BRD4: variants seen among roughly 807,000 people sequenced by gnomAD.
BRD4 encodes the protein bromodomain-containing protein 4.
A neutral mutation model predicts 142.1 loss-of-function variants in BRD4; 16 were observed. The ratio of observed to expected loss-of-function variants is 0.11; its 90% CI spans 0.08 to 0.17. The LOEUF (loss-of-function observed/expected upper bound fraction) is 0.17, where lower values mean the gene tolerates loss of function less well. BRD4 is among the 10% of genes least tolerant of loss of function. The pLI, the probability that BRD4 is intolerant of heterozygous loss-of-function variation, is 1.00. For synonymous variants in BRD4, 833 were observed against 707.5 expected (o/e 1.18, Z -2.82); for missense variants, 1,424 against 1,810.9 (o/e 0.79, Z 3.88).
intron 1 of BRD4, among the ~76,000 whole-genome samples, chr19:15,326,590 GATC>G (rs1322783358): frequency 1.3e-5 from 2 of 152,198 alleles, no homozygotes; most frequent in African/African-American, 4.8e-5. Context: ...GGGATTAAGA[GATC>G]ATTTTTAACC....
At chr19:15,264,181 G>A in intron 6 of BRD4, 2 of 553,312 alleles carry the variant, frequency 3.6e-6, no homozygotes, top group Non-Finnish European at 3.1e-6. Context: ...AGGGGAAGGG[G>A]CAGCACAGGC....
intron 13 of BRD4, 34 bp from the exon 14 acceptor site, chr19:15,243,521 G>A (rs780781488): frequency 1.3e-6 from 2 of 1,516,804 alleles, no homozygotes; most frequent in Non-Finnish European, 1.8e-6. Flanking sequence ...GGTGAGGCCT[G>A]AGCACCTGTG....
rs1367796814 is a variant in BRD4 at position 15,239,865 on chromosome 19, C to T, written c.3283-44G>A. 1.2e-6 allele frequency: 2 copies of T among 1,613,990 alleles called. No homozygotes were observed. Among genetic ancestry groups the T allele is most frequent in the African/African-American group, 1.3e-5 (1 of 75,040 alleles). On this transcript the variant is annotated intron_variant, in intron 15 of 19. Coordinates refer to ENST00000679869, the MANE Select transcript of BRD4 (RefSeq NM_001379291.1). The surrounding 1 kb of genome is among the most constrained non-coding windows in gnomAD (Gnocchi z 7.4). ...AGCGGCCGGTGAGGTGGGCAGGCAC[C>T]CCCGGCCCTAGCCCACAGGACTATG...
intron 1 of BRD4, among the ~76,000 whole-genome samples, chr19:15,331,678 G>C (rs949198795): frequency 6.6e-6 from 1 of 152,040 alleles, no homozygotes; most frequent in Non-Finnish European, 1.5e-5. Flanking sequence ...GAAGAGATGG[G>C]GGTGGGGGCG....
intron 1 of BRD4, among the ~76,000 whole-genome samples, chr19:15,281,884 G>A (rs567509715): frequency 4.6e-5 from 7 of 152,246 alleles, no homozygotes; most frequent in South Asian, 2.1e-4. Context: ...CAGGCATGGC[G>A]GCGTGCACCT....
chr19:15,272,470 C>A (rs771734989), intron 2 of BRD4, among the ~76,000 whole-genome samples: 17 of 152,164 alleles, frequency 1.1e-4, no homozygotes, highest in Admixed American at 2.0e-4. Context: ...ATGTCCACAC[C>A]TGAGAAATGA....
chr19:15,253,210 A>C, intron 11 of BRD4: 1 of 367,552 alleles, frequency 2.7e-6, no homozygotes, highest in Non-Finnish European at 5.0e-6. Flanking sequence ...CGTTGGCCGT[A>C]AACACAGGAT....
rs951539610 is a variant in BRD4, at chr19:15,236,462, C to G, written c.*1915G>C. The G allele has an allele frequency of 6.8e-6, 1 of 146,414 alleles. No individual in the cohort carries two copies. The highest frequency in any genetic ancestry group is 1.5e-5 in the Non-Finnish European group (1 of 67,134). 9.1% of individuals were successfully genotyped at this position (146,414 alleles called of 1,614,324 possible). A position where few individuals can be genotyped will look rare whatever the true frequency, so the allele number is the denominator to read the frequency against. On this transcript the variant is annotated 3_prime_UTR_variant, in exon 20 of 20. Transcript: ENST00000679869. ...AATGAAAGGAGGAGTTAGGTTGAGG[C>G]AGGCAAGGTGGGAGAAGTGGCCCAA...
chr19:15,309,680 G>A (rs531146162), intron 1 of BRD4, among the ~76,000 whole-genome samples: 6 of 152,256 alleles, frequency 3.9e-5, no homozygotes, highest in Admixed American at 3.3e-4. Flanking sequence ...ACTGATGAAC[G>A]GATAGTGTCA....
chr19:15,255,742 A>C, intron 9 of BRD4, 150 bp from the exon 10 acceptor site: 1 of 1,079,296 alleles, frequency 9.3e-7, no homozygotes, highest in Non-Finnish European at 1.3e-6. Context: ...GGGCAACTCA[A>C]TCTCTGGGAG....
At chr19:15,311,932 G>C in intron 1 of BRD4, among the ~76,000 whole-genome samples, 1 of 152,194 alleles carries the variant, frequency 6.6e-6, no homozygotes, top group Non-Finnish European at 1.5e-5. Flanking sequence ...GGAGAAAGAA[G>C]GAAAAGGAAG....
At chr19:15,312,563 C>T (rs1258006273) in intron 1 of BRD4, among the ~76,000 whole-genome samples, 2 of 151,786 alleles carry the variant, frequency 1.3e-5, no homozygotes, top group Non-Finnish European at 2.9e-5. Flanking sequence ...ACGCGGGAGG[C>T]GGAAGTTGCA....
At chr19:15,251,690 C>T (rs561619006) in intron 11 of BRD4, among the ~76,000 whole-genome samples, 1 of 152,296 alleles carries the variant, frequency 6.6e-6, no homozygotes, top group African/African-American at 2.4e-5. Flanking sequence ...GCTGTATTTA[C>T]TGGTGCCAGG....
At chr19:15,311,278 C>A (rs560731479) in intron 1 of BRD4, among the ~76,000 whole-genome samples, 1 of 149,444 alleles carries the variant, frequency 6.7e-6, no homozygotes, top group East Asian at 2.0e-4. Flanking sequence ...GGCAACAGAG[C>A]GAAACTCTGT....
chr19:15,269,121 G>A, intron 2 of BRD4, 79 bp from the exon 3 acceptor site: 1 of 1,545,422 alleles, frequency 6.5e-7, no homozygotes, highest in South Asian at 1.2e-5. Context: ...GGCTGGCCTG[G>A]GGACCTCACC....
At chr19:15,330,753 C>A (rs2145026956) in intron 1 of BRD4, among the ~76,000 whole-genome samples, 1 of 152,184 alleles carries the variant, frequency 6.6e-6, no homozygotes, top group East Asian at 1.9e-4. Context: ...GGCGACAGAG[C>A]GAGACTCCAT....
chr19:15,264,009 A>C, intron 6 of BRD4: 1 of 238,176 alleles, frequency 4.2e-6, no homozygotes, highest in East Asian at 8.5e-5. Context: ...CGGCACTTAC[A>C]GCGTGCCTCC....
chr19:15,241,604 G>C (rs922503890), intron 14 of BRD4, among the ~76,000 whole-genome samples: 1 of 152,128 alleles, frequency 6.6e-6, no homozygotes, highest in African/African-American at 2.4e-5. Flanking sequence ...CCTCAGCCCC[G>C]ATAGGTGCCT....
At chr19:15,253,559 A>G in intron 11 of BRD4, 1 of 1,560,572 alleles carries the variant, frequency 6.4e-7, no homozygotes, top group Non-Finnish European at 8.6e-7. Flanking sequence ...GGGCAGATTC[A>G]GGAGCAGCCA....
Sources: gnomAD v4.1 joint callset for allele counts (sites outside exome capture counted in the v4.1 genomes callset) on GRCh38, gnomAD v4.1.1 for gene constraint, Gnocchi (gnomAD v3.1) non-coding constraint, MANE v1.5 for transcripts, NCBI Gene and HGNC (gene_info 2026-07-23, HGNC 2026-07-21) for gene names.